Variants in ITSN1 observed in about 807,000 individuals in gnomAD.
The protein encoded by ITSN1 is intersectin-1.
In ITSN1, 58 loss-of-function variants were observed where a neutral mutation model predicts 239.8. The observed-to-expected ratio is 0.24, with a 90% CI of 0.20 to 0.30. The LOEUF (loss-of-function observed/expected upper bound fraction) is 0.30. ITSN1 is among the 10% of genes least tolerant of loss of function. The pLI is 1.00. For missense variants in ITSN1, 1,558 were observed against 2,103.3 expected, an observed-to-expected ratio of 0.74 and a Z score of 5.07; for synonymous variants, 780 against 770.8, an observed-to-expected ratio of 1.01 and a Z score of -0.20.
chr21:33,868,387 G>A (rs1027653241), intron 33 of ITSN1, among the ~76,000 whole-genome samples: 1 of 152,238 alleles, frequency 6.6e-6, no homozygotes, highest in Admixed American at 6.5e-5. Flanking sequence ...CGTCGGGGAG[G>A]CTCGGGCTGC....
intron 11 of ITSN1, among the ~76,000 whole-genome samples, chr21:33,769,296 A>G (rs2068940748): frequency 6.6e-6 from 1 of 152,228 alleles, no homozygotes; most frequent in Non-Finnish European, 1.5e-5. Context: ...TCATTTGTGC[A>G]TTCATTCCTT....
At position 33,895,910 on chromosome 21, in the gene ITSN1, A is replaced by G. The variant is rs118061563; in HGVS notation, c.*7610A>G. ...TTCAGGTGATGAAGCATTTCTAGAC[A>G]GTGAGAGGAGAGCATTAAGCCAAGC... On this transcript the variant is annotated 3_prime_UTR_variant, in exon 40 of 40. Coordinates refer to ENST00000381318, the MANE Select transcript of ITSN1 (RefSeq NM_003024.3). 3,068 of 152,282 alleles carry G rather than the reference A, an allele frequency of 0.02. 46 individuals carry two copies. The highest frequency in any genetic ancestry group is 0.032 in the Non-Finnish European group (2,165 of 68,038). The allele number at this position is 152,282 out of a possible 1,614,324, so 9.4% of individuals were successfully genotyped here.
At chr21:33,876,456 C>T (rs1469779675) in intron 34 of ITSN1, among the ~76,000 whole-genome samples, 1 of 152,158 alleles carries the variant, frequency 6.6e-6, no homozygotes, top group African/African-American at 2.4e-5. Context: ...CCTGGACCAC[C>T]TGAGCTCAAG....
chr21:33,796,120 C>T (rs948986041), intron 17 of ITSN1, among the ~76,000 whole-genome samples: 4 of 151,990 alleles, frequency 2.6e-5, no homozygotes, highest in Admixed American at 1.3e-4. Context: ...TGTGCTACCA[C>T]GCCCAGCTAA....
chr21:33,861,107 T>G (rs1410622389), intron 31 of ITSN1, among the ~76,000 whole-genome samples: 1 of 152,226 alleles, frequency 6.6e-6, no homozygotes, highest in Non-Finnish European at 1.5e-5. Flanking sequence ...TTTTTCTTCT[T>G]TTCTGCATTT....
intron 22 of ITSN1, 46 bp downstream of exon 22, chr21:33,814,118 TGC>T (rs1760838798): frequency 6.3e-7 from 1 of 1,581,566 alleles, no homozygotes; most frequent in African/African-American, 1.4e-5. Context: ...TGCTATCTAG[TGC>T]CAAAAACTTC....
At chr21:33,765,601 C>T (rs1026400213) in intron 9 of ITSN1, among the ~76,000 whole-genome samples, 1 of 152,092 alleles carries the variant, frequency 6.6e-6, no homozygotes, top group Non-Finnish European at 1.5e-5. Flanking sequence ...AAAAAAGATT[C>T]ATGGAATATG....
intron 1 of ITSN1, among the ~76,000 whole-genome samples, chr21:33,695,392 G>A (rs2091750471): frequency 6.6e-6 from 1 of 152,192 alleles, no homozygotes; most frequent in Admixed American, 6.5e-5. Flanking sequence ...CAAGGAAATA[G>A]GAAAAGCTTT....
intron 10 of ITSN1, among the ~76,000 whole-genome samples, chr21:33,766,266 A>G (rs750713957): frequency 8.5e-5 from 13 of 152,254 alleles, no homozygotes; most frequent in South Asian, 4.1e-4. Context: ...TATGTCATCA[A>G]TGCTTACCAG....
At chr21:33,733,808 GCAAAAAGGTTTCTGCAACCA>G (rs1022637898) in intron 4 of ITSN1, among the ~76,000 whole-genome samples, 1 of 152,118 alleles carries the variant, frequency 6.6e-6, no homozygotes, top group African/African-American at 2.4e-5. Context: ...CCTATCTGAG[GCAAAAAGGTTTCTGCAACCA>G]CAGAGCTTTG....
chr21:33,803,660 G>A (rs1216712051), intron 20 of ITSN1, among the ~76,000 whole-genome samples: 3 of 152,172 alleles, frequency 2.0e-5, no homozygotes, highest in Admixed American at 6.5e-5. Context: ...CCACTGGGCA[G>A]TAAAGAAGGG....
chr21:33,843,592 GC>G (rs1366298522), intron 29 of ITSN1, among the ~76,000 whole-genome samples: 1 of 152,186 alleles, frequency 6.6e-6, no homozygotes, highest in Non-Finnish European at 1.5e-5. Flanking sequence ...TGCAAGTTCA[GC>G]CTAATATTTT....
Position 33,744,097 on chromosome 21 carries a change from GGA to G in ITSN1, c.347-6040_347-6039del, listed in dbSNP as rs545291165. On this transcript the variant is annotated intron_variant, in intron 5 of 39. Coordinates refer to ENST00000381318, the MANE Select transcript of ITSN1 (RefSeq NM_003024.3). The stretch of plus-strand genomic sequence containing the variant: ...GCTAAGACTGAAGGAAGGCTGAGGA[GGA>G]GAGAGTATCGGATGTAATTCCCATG... Among the ~76,000 whole-genome samples the G allele has an allele frequency of 5.6e-3, 859 of 152,318 alleles. 8 individuals carry two copies. Among genetic ancestry groups the G allele is most frequent in the African/African-American group, 0.02 (816 of 41,568 alleles).
intron 1 of ITSN1, among the ~76,000 whole-genome samples, chr21:33,710,341 A>G (rs1287853507): frequency 6.6e-6 from 1 of 151,916 alleles, no homozygotes; most frequent in Non-Finnish European, 1.5e-5. Flanking sequence ...AAGTGCTGGG[A>G]TTACAGGCGT....
At chr21:33,851,316 C>G (rs1348896770) in intron 29 of ITSN1, among the ~76,000 whole-genome samples, 1 of 152,222 alleles carries the variant, frequency 6.6e-6, no homozygotes, top group Non-Finnish European at 1.5e-5. Context: ...GAGGAAGCCT[C>G]CCCTTAGCAC....
At chr21:33,642,757 T>G (rs1377316258) in intron 1 of ITSN1, 44 bp downstream of exon 1, 1 of 153,034 alleles carries the variant, frequency 6.5e-6, no homozygotes, top group Non-Finnish European at 1.5e-5. Flanking sequence ...CACGGGCGGC[T>G]GCAGCGGGGG....
At chr21:33,828,037 C>T (rs1193503730) in intron 26 of ITSN1, among the ~76,000 whole-genome samples, 1 of 152,218 alleles carries the variant, frequency 6.6e-6, no homozygotes, top group East Asian at 1.9e-4. Context: ...ACCAAATCTC[C>T]GTTTTAAGTG....
intron 1 of ITSN1, among the ~76,000 whole-genome samples, chr21:33,648,027 G>T (rs1772792689): frequency 6.6e-6 from 1 of 152,166 alleles, no homozygotes; most frequent in Admixed American, 6.5e-5. Flanking sequence ...CATTTAGAAA[G>T]ATTGTATCAT....
intron 29 of ITSN1, among the ~76,000 whole-genome samples, chr21:33,848,307 A>G (rs114427701): frequency 0.013 from 2,022 of 152,370 alleles, 41 homozygotes; most frequent in African/African-American, 0.047. Context: ...GGACACACAG[A>G]CGCTGGAGAT....
Sources: gnomAD v4.1 joint callset for allele counts (sites outside exome capture counted in the v4.1 genomes callset) on GRCh38, gnomAD v4.1.1 for gene constraint, MANE v1.5 for transcripts, NCBI Gene and HGNC (gene_info 2026-07-23, HGNC 2026-07-21) for gene names.